SMC1A: variants seen among roughly 807,000 people sequenced by gnomAD.
SMC1A encodes structural maintenance of chromosomes 1A.
Under a neutral mutation model 94.5 loss-of-function variants are expected in SMC1A, and 4 were observed. That is an observed-to-expected ratio of 0.04 (90% confidence interval 0.02 to 0.10). SMC1A has a LOEUF of 0.10. Ranked by LOEUF, SMC1A falls within the 10% of genes least tolerant of loss-of-function variation. SMC1A has a pLI of 1.00. For synonymous variants in SMC1A, 345 were observed against 347.7 expected (o/e 0.99, Z 0.09); for missense variants, 304 against 989.0 (o/e 0.31, Z 9.29).
intron 10 of SMC1A, 48 bp downstream of exon 10, chrX:53,405,723 G>C: frequency 5.8e-6 from 7 of 1,207,595 alleles, no homozygotes; most frequent in Non-Finnish European, 7.8e-6. Context: ...GAGTACTAGA[G>C]GAGGGGCCCT....
chrX:53,380,995 G>A, intron 23 of SMC1A, 23 bp downstream of exon 23: 3 of 1,185,846 alleles, frequency 2.5e-6, no homozygotes, highest in Non-Finnish European at 3.4e-6. Flanking sequence ...ATCCCTCCCA[G>A]GCCCCACTTT....
intron 15 of SMC1A, among the ~76,000 whole-genome samples, chrX:53,400,774 A>G (rs972694749): frequency 6.3e-5 from 7 of 111,422 alleles, no homozygotes; most frequent in African/African-American, 2.0e-4. Context: ...GCCCTCTCCA[A>G]CTCCCAATAT....
At chrX:53,410,265 C>T (rs1416809572) in intron 7 of SMC1A, among the ~76,000 whole-genome samples, 1 of 111,598 alleles carries the variant, frequency 9.0e-6, no homozygotes, top group Non-Finnish European at 1.9e-5. Context: ...GAGGCCAAGG[C>T]AGGCTGATCG....
intron 11 of SMC1A, 34 bp from the exon 12 acceptor site, chrX:53,405,425 A>G: frequency 8.3e-7 from 1 of 1,210,758 alleles, no homozygotes; most frequent in South Asian, 1.8e-5. Context: ...GAAGAGGGGG[A>G]GAAGCTGAAC....
In SMC1A at chrX:53,422,000, G is replaced by T. The variant is rs782234647; in HGVS notation, c.109+492C>A. ...GCCGCCTCCAGAGAAGAGTAGAAAGGAGTTGGAGTGTACCAATGCGAGGCG... is the reference window on the plus strand; with the variant it reads ...GCCGCCTCCAGAGAAGAGTAGAAAGTAGTTGGAGTGTACCAATGCGAGGCG... On this transcript the variant is annotated intron_variant, in intron 1 of 24. Coordinates refer to ENST00000322213, the MANE Select transcript of SMC1A (RefSeq NM_006306.4). The T allele has an allele frequency of 6.6e-6, 8 of 1,208,303 alleles. No homozygotes were observed. The African/African-American group carries it at 1.2e-4, about 19-fold the overall frequency.
rs1214078572 is a variant in SMC1A at position 53,374,630 on chromosome X, T to C, written c.*5473A>G. The C allele has an allele frequency of 2.7e-5, 3 of 112,063 alleles. No individual in the cohort carries two copies. The highest frequency in any genetic ancestry group is 5.6e-5 in the Non-Finnish European group (3 of 53,162). The allele number at this position is 112,063 out of a possible 1,213,427, so 9.2% of individuals were successfully genotyped here. On this transcript the variant is annotated 3_prime_UTR_variant, in exon 25 of 25. Transcript: ENST00000322213. ...TTATCTATTCAAGCCTTCTGCTGCT[T>C]TGTGGATCTCATAGTCAGTTTTGTC...
chrX:53,393,599 T>TA (rs782641278), intron 19 of SMC1A, among the ~76,000 whole-genome samples: 356 of 111,185 alleles, frequency 3.2e-3, no homozygotes, highest in African/African-American at 0.011. Flanking sequence ...ATGGATGGAG[T>TA]AATGTCTAGT....
rs2071879 is a variant in SMC1A at position 53,414,687 on chromosome X, G to C, written c.411+71C>G. 916 of 658,819 alleles carry C rather than the reference G, an allele frequency of 1.4e-3. 7 individuals carry two copies. The East Asian group carries it at 0.017, about 12-fold the overall frequency. 54.3% of individuals were successfully genotyped at this position (658,819 alleles called of 1,213,427 possible). A position where few individuals can be genotyped will look rare whatever the true frequency, so the allele number is the denominator to read the frequency against. ...GGGAGAGATGATAAAGCCTGAGATG[G>C]AGCAGACAGAGTGGGGATGGGACAT... is the stretch of plus-strand genomic sequence containing the variant. On this transcript the variant is annotated intron_variant, in intron 3 of 24. Coordinates refer to ENST00000322213, the MANE Select transcript of SMC1A (RefSeq NM_006306.4).
chrX:53,418,764 C>T (rs1307571281), intron 1 of SMC1A, among the ~76,000 whole-genome samples: 1 of 110,638 alleles, frequency 9.0e-6, no homozygotes, highest in East Asian at 3.0e-4. Context: ...AAGTTTAGGC[C>T]GGGTGCAGTG....
At chrX:53,412,274 G>A in intron 5 of SMC1A, 21 bp from the exon 6 acceptor site, 1 of 1,208,010 alleles carries the variant, frequency 8.3e-7, no homozygotes, top group Non-Finnish European at 1.1e-6. Flanking sequence ...AGGGGTGGGG[G>A]AAACCAGTGA....
At chrX:53,386,317 GA>G (rs1556886463) in intron 19 of SMC1A, among the ~76,000 whole-genome samples, 1 of 111,360 alleles carries the variant, frequency 9.0e-6, no homozygotes, top group Non-Finnish European at 1.9e-5. Flanking sequence ...AGAAACTAAA[GA>G]GACATAATAA....
chrX:53,382,605 G>C lies in SMC1A; in HGVS notation c.3186C>G (p.Ile1062Met), dbSNP rs372307204. The stretch of plus-strand genomic sequence containing the variant: ...TGAAGCGGTCAAAGCGCTCCTTCTT[G>C]ATCTGTTCGAATGCCTGCTTGGCCT... ...AKKAKQAFEQIKKERFDRFNA... is the reference protein window; with the variant it reads ...AKKAKQAFEQMKKERFDRFNA... The change falls in exon 21 of 25, where the codon ATC (isoleucine) becomes ATG (methionine). Residue 1062 changes from isoleucine to methionine, a missense_variant. Physicochemically the swap from Ile to Met is conservative, Grantham distance 10 (BLOSUM62 1). Transcript: ENST00000322213. The C allele has an allele frequency of 9.9e-5, 120 of 1,209,802 alleles. No individual in the cohort carries two copies. Among genetic ancestry groups the C allele is most frequent in the Non-Finnish European group, 1.3e-4 (114 of 895,066 alleles).
Position 53,382,229 on chromosome X carries a change from T to C in SMC1A, c.3437+3A>G. ...GTCAACTGCCCTAGGGGATCAGCCT[T>C]ACCTGTGGATGGCAAAGAGCAGGGC... On this transcript the variant is annotated splice_donor_region_variant and intron_variant, in intron 22 of 24. Transcript: ENST00000322213. 3.3e-6 allele frequency: 4 copies of C among 1,211,450 alleles called. No individual in the cohort carries two copies. The highest frequency in any genetic ancestry group is 4.5e-6 in the Non-Finnish European group (4 of 895,338).
chrX:53,386,292 T>C (rs1602400396), intron 19 of SMC1A, among the ~76,000 whole-genome samples: 1 of 111,488 alleles, frequency 9.0e-6, no homozygotes, highest in Non-Finnish European at 1.9e-5. Context: ...GGTAAAGGGA[T>C]AGCTCCATAT....
At chrX:53,408,760 C>T (rs1461699158) in intron 9 of SMC1A, among the ~76,000 whole-genome samples, 1 of 101,768 alleles carries the variant, frequency 9.8e-6, no homozygotes, top group Non-Finnish European at 2.0e-5. Context: ...GAGGCATAGA[C>T]ATAGCAAGAC....
At chrX:53,421,845 G>A in intron 1 of SMC1A, 9 of 1,140,999 alleles carry the variant, frequency 7.9e-6, no homozygotes, top group Non-Finnish European at 1.1e-5. Context: ...AGTTAATTTC[G>A]GCTTTTGACG....
At chrX:53,409,007 A>C in intron 9 of SMC1A, 55 bp downstream of exon 9, 1 of 1,111,485 alleles carries the variant, frequency 9.0e-7, no homozygotes, top group Non-Finnish European at 1.2e-6. Context: ...TGCTGGGAAA[A>C]TCGTGTGACA....
chrX:53,401,456 A>G lies in SMC1A; in HGVS notation c.2421-1726T>C, dbSNP rs782120921. On this transcript the variant is annotated intron_variant, in intron 15 of 24. Coordinates refer to ENST00000322213, the MANE Select transcript of SMC1A (RefSeq NM_006306.4). ...TTTACACAAATCTACTGTGTTATAA[A>G]TTTTATTCTTTTTTCTGGTCAATAC... Among the ~76,000 whole-genome samples the G allele has an allele frequency of 9.2e-4, 103 of 112,147 alleles. No individual in the cohort carries two copies. In the Middle Eastern group the frequency reaches 0.014, roughly 15 times the overall value.
At chrX:53,420,078 C>T (rs1210822332) in intron 1 of SMC1A, among the ~76,000 whole-genome samples, 2 of 111,779 alleles carry the variant, frequency 1.8e-5, no homozygotes, top group East Asian at 2.8e-4. Context: ...AAAATATGTG[C>T]GGCACATACT....
Sources: gnomAD v4.1 joint callset for allele counts (sites outside exome capture counted in the v4.1 genomes callset) on GRCh38, gnomAD v4.1.1 for gene constraint, MANE v1.5 for transcripts, NCBI Gene and HGNC (gene_info 2026-07-23, HGNC 2026-07-21) for gene names.